GM2A: variants seen among roughly 807,000 people sequenced by gnomAD.
The protein encoded by GM2A is ganglioside GM2 activator.
Under a neutral mutation model 12.9 loss-of-function variants are expected in GM2A, and 7 were observed. The observed-to-expected ratio is 0.54, with a 90% CI of 0.31 to 1.02. GM2A has a LOEUF of 1.02. GM2A is among the 50% of genes least tolerant of loss of function. GM2A has a pLI of 0.05. For synonymous variants in GM2A, 101 were observed against 96.0 expected (o/e 1.05, Z -0.30); for missense variants, 246 against 241.0 (o/e 1.02, Z -0.14).
intron 1 of GM2A, among the ~76,000 whole-genome samples, chr5:151,254,265 A>G (rs536709620): frequency 1.3e-5 from 2 of 152,312 alleles, no homozygotes; most frequent in Non-Finnish European, 2.9e-5. Context: ...TCCTTTGGAT[A>G]TATACCCAGA....
chr5:151,253,434 A>G, intron 1 of GM2A, 137 bp downstream of exon 1: 1 of 712,120 alleles, frequency 1.4e-6, no homozygotes, highest in Non-Finnish European at 2.5e-6. Flanking sequence ...CAAAGTAACT[A>G]ATTATGGGAT....
At chr5:151,262,813 G>A (rs1753820385) in intron 2 of GM2A, among the ~76,000 whole-genome samples, 1 of 152,100 alleles carries the variant, frequency 6.6e-6, no homozygotes. Context: ...TGCTCCCTCT[G>A]CTGCCATCAC....
At position 151,267,892 on chromosome 5, in the gene GM2A, A is replaced by G. The variant is rs1753925899; in HGVS notation, c.*441A>G. On this transcript the variant is annotated 3_prime_UTR_variant, in exon 4 of 4. Coordinates refer to ENST00000357164, the MANE Select transcript of GM2A (RefSeq NM_000405.5). ...TGTTCTCCTCCGGCCCCCTGTTACAATGAAGGGGCAAAAGTATTTGCTCTT... is the reference window on the plus strand; with the variant it reads ...TGTTCTCCTCCGGCCCCCTGTTACAGTGAAGGGGCAAAAGTATTTGCTCTT... 1.7e-6 allele frequency: 2 copies of G among 1,145,992 alleles called. No individual in the cohort carries two copies. Among genetic ancestry groups the G allele is most frequent in the Non-Finnish European group, 2.2e-6 (2 of 921,886 alleles). 71.0% of individuals were successfully genotyped at this position (1,145,992 alleles called of 1,614,324 possible). A position where few individuals can be genotyped will look rare whatever the true frequency, so the allele number is the denominator to read the frequency against.
chr5:151,257,957 A>G (rs2114030415), intron 1 of GM2A, among the ~76,000 whole-genome samples: 1 of 152,326 alleles, frequency 6.6e-6, no homozygotes, highest in East Asian at 1.9e-4. Context: ...ATTTATTTGC[A>G]TTAGACGGTA....
chr5:151,256,656 T>C (rs1753693610), intron 1 of GM2A, among the ~76,000 whole-genome samples: 1 of 151,678 alleles, frequency 6.6e-6, no homozygotes, highest in Non-Finnish European at 1.5e-5. Flanking sequence ...AGAGTTTCTA[T>C]ATACTCCTGA....
At chr5:151,257,454 G>A (rs180969437) in intron 1 of GM2A, among the ~76,000 whole-genome samples, 4 of 152,150 alleles carry the variant, frequency 2.6e-5, no homozygotes, top group Admixed American at 2.6e-4. Flanking sequence ...TGTGGATCAG[G>A]CTGCCTTAGA....
chr5:151,266,147 G>A (rs998940546), intron 2 of GM2A, among the ~76,000 whole-genome samples: 1 of 152,316 alleles, frequency 6.6e-6, no homozygotes, highest in Middle Eastern at 3.4e-3. Context: ...CAATGCAAGT[G>A]TTAGAGCCAA....
chr5:151,269,974 C>T lies in GM2A; in HGVS notation c.*2523C>T, dbSNP rs1753976640. ...CTGGCAATGACCTCCACAGCCGTTT[C>T]CCTCTGTTGGATCTTCCAGCCTTAT... On this transcript the variant is annotated 3_prime_UTR_variant, in exon 4 of 4. Coordinates refer to ENST00000357164, the MANE Select transcript of GM2A (RefSeq NM_000405.5). The T allele has an allele frequency of 5.7e-6, 7 of 1,219,648 alleles. No individual in the cohort carries two copies. Among genetic ancestry groups the T allele is most frequent in the Non-Finnish European group, 7.1e-6 (7 of 981,086 alleles). The allele number at this position is 1,219,648 out of a possible 1,614,324, so 75.6% of individuals were successfully genotyped here.
In GM2A at chr5:151,267,652, T is replaced by C. The variant is rs1319258410; in HGVS notation, c.*201T>C. The C allele has an allele frequency of 4.6e-6, 7 of 1,506,868 alleles. No individual in the cohort carries two copies. Among genetic ancestry groups the C allele is most frequent in the South Asian group, 1.2e-5 (1 of 82,926 alleles). 93.3% of individuals were successfully genotyped at this position (1,506,868 alleles called of 1,614,324 possible). A position where few individuals can be genotyped will look rare whatever the true frequency, so the allele number is the denominator to read the frequency against. On this transcript the variant is annotated 3_prime_UTR_variant, in exon 4 of 4. Transcript: ENST00000357164. Reference sequence around the variant, plus strand: ...CAGCCCTGACCTAAGGGAGAATGAGTTGGACAGTTCTTGATAGCCCAGGGC... The same window carrying C: ...CAGCCCTGACCTAAGGGAGAATGAGCTGGACAGTTCTTGATAGCCCAGGGC...
At chr5:151,263,337 TG>T (rs1383640831) in intron 2 of GM2A, among the ~76,000 whole-genome samples, 3 of 151,970 alleles carry the variant, frequency 2.0e-5, no homozygotes, top group African/African-American at 7.2e-5. Context: ...CCCAAAGTGC[TG>T]GGATTACAGG....
rs117832237 is a variant in GM2A at position 151,270,218 on chromosome 5, C to T, written c.*2767C>T. 3,335 of 644,962 alleles carry T rather than the reference C, an allele frequency of 5.2e-3. 114 individuals are homozygous for T. The East Asian group carries it at 0.076, about 15-fold the overall frequency. The allele number at this position is 644,962 out of a possible 1,614,324, so 40.0% of individuals were successfully genotyped here. A position where few individuals can be genotyped will look rare whatever the true frequency, so the allele number is the denominator to read the frequency against. ...CCCCTTGGAGAAAGTTGAAGTTAGA[C>T]CTGTACTTCACACCATATGCAAGAA... is the stretch of plus-strand genomic sequence containing the variant. On this transcript the variant is annotated 3_prime_UTR_variant, in exon 4 of 4. Coordinates refer to ENST00000357164, the MANE Select transcript of GM2A (RefSeq NM_000405.5).
At position 151,268,551 on chromosome 5, in the gene GM2A, G is replaced by A. The variant is rs1753942546; in HGVS notation, c.*1100G>A. ...CATTGATACAAGGCTGCTGAGGCCT[G>A]GTCTCCAGTTGGAAATATAATTAAG... On this transcript the variant is annotated 3_prime_UTR_variant, in exon 4 of 4. Transcript: ENST00000357164. 2.0e-6 allele frequency: 2 copies of A among 985,058 alleles called. No individual in the cohort carries two copies. Among genetic ancestry groups the A allele is most frequent in the Admixed American group, 1.2e-4 (2 of 16,254 alleles). 61.0% of individuals were successfully genotyped at this position (985,058 alleles called of 1,614,324 possible).
intron 1 of GM2A, among the ~76,000 whole-genome samples, chr5:151,256,044 G>T (rs1436853752): frequency 6.6e-6 from 1 of 152,134 alleles, no homozygotes; most frequent in East Asian, 1.9e-4. Context: ...GATAAAGATG[G>T]GGGTGGGGGG....
intron 2 of GM2A, among the ~76,000 whole-genome samples, chr5:151,262,253 A>G (rs1432307844): frequency 1.3e-5 from 2 of 152,200 alleles, no homozygotes; most frequent in African/African-American, 4.8e-5. Flanking sequence ...CCTTTATATG[A>G]TGCTCCTCTA....
chr5:151,260,085 G>A lies in GM2A; in HGVS notation c.243+169G>A, dbSNP rs1753768201. Among the ~76,000 whole-genome samples, 2 of 152,170 alleles carry A rather than the reference G, an allele frequency of 1.3e-5. 1 individual carries two copies. Among genetic ancestry groups the A allele is most frequent in the South Asian group, 4.1e-4 (2 of 4,834 alleles). On this transcript the variant is annotated intron_variant, in intron 2 of 3. Transcript: ENST00000357164. ...CTTTCACAGGTTCATGGAATCTCAGGATCATAAGATTGAAAGGAATCTCTG... is the reference window on the plus strand; with the variant it reads ...CTTTCACAGGTTCATGGAATCTCAGAATCATAAGATTGAAAGGAATCTCTG...
rs1290468234 is a variant in GM2A, at chr5:151,253,235, G to T, written c.19G>T (p.Ala7Ser). The T allele has an allele frequency of 1.2e-6, 2 of 1,613,988 alleles. No homozygotes were observed. Among genetic ancestry groups the T allele is most frequent in the Admixed American group, 3.3e-5 (2 of 60,030 alleles). The change falls in exon 1 of 4, where the codon GCT becomes TCT. Residue 7 changes from alanine to serine, a missense_variant. Coordinates refer to ENST00000357164, the MANE Select transcript of GM2A (RefSeq NM_000405.5). Reference sequence around the variant, plus strand: ...CTTCCCGATGCAGTCCCTGATGCAGGCTCCCCTCCTGATCGCCCTGGGCTT... The same window carrying T: ...CTTCCCGATGCAGTCCCTGATGCAGTCTCCCCTCCTGATCGCCCTGGGCTT... MQSLMQ[A>S]PLLIALGLLL... is the part of the protein sequence containing the mutation.
At chr5:151,255,651 C>G (rs1015245093) in intron 1 of GM2A, among the ~76,000 whole-genome samples, 3 of 152,152 alleles carry the variant, frequency 2.0e-5, no homozygotes, top group Non-Finnish European at 4.4e-5. Flanking sequence ...AAATCAGAAA[C>G]AAATAAAGCC....
At chr5:151,256,934 G>A (rs1753700705) in intron 1 of GM2A, among the ~76,000 whole-genome samples, 1 of 152,142 alleles carries the variant, frequency 6.6e-6, no homozygotes, top group Admixed American at 6.5e-5. Flanking sequence ...GTCTTGAGGA[G>A]TTGTGCCCTG....
At chr5:151,266,623 T>A in intron 2 of GM2A, 108 bp from the exon 3 acceptor site, 1 of 823,516 alleles carries the variant, frequency 1.2e-6, no homozygotes, top group Non-Finnish European at 2.0e-6. Flanking sequence ...AAAAATTCTA[T>A]GATTAAAATA....
Sources: gnomAD v4.1 joint callset for allele counts (sites outside exome capture counted in the v4.1 genomes callset) on GRCh38, gnomAD v4.1.1 for gene constraint, MANE v1.5 for transcripts, NCBI Gene and HGNC (gene_info 2026-07-23, HGNC 2026-07-21) for gene names.